Variants in TANGO2 observed in about 807,000 individuals in gnomAD.
TANGO2 encodes the protein transport and Golgi organization protein 2 homolog.
TANGO2 carries 26 observed loss-of-function variants against 39.1 expected under a neutral mutation model. The observed-to-expected ratio is 0.67, with a 90% CI of 0.49 to 0.92. The LOEUF (loss-of-function observed/expected upper bound fraction) is 0.92, where lower values mean the gene tolerates loss of function less well. Among genes scored for constraint, TANGO2 ranks in the 40% least tolerant of loss-of-function variants. The pLI, the probability that TANGO2 is intolerant of heterozygous loss-of-function variation, is 0.00. For missense variants in TANGO2, 326 were observed against 360.1 expected (o/e 0.91, Z 0.77); for synonymous variants, 131 against 144.5 (o/e 0.91, Z 0.67).
intron 3 of TANGO2, among the ~76,000 whole-genome samples, chr22:20,049,171 A>G (rs556522162): frequency 3.0e-4 from 45 of 152,286 alleles, no homozygotes; most frequent in Non-Finnish European, 4.7e-4. Context: ...TCCAACCCCC[A>G]AATCTCTCTA....
chr22:20,045,495 A>G (rs1478931922), intron 3 of TANGO2, among the ~76,000 whole-genome samples: 1 of 136,298 alleles, frequency 7.3e-6, no homozygotes, highest in East Asian at 2.3e-4. Context: ...TTTGGCCATC[A>G]CTTCTTTTTT....
chr22:20,031,255 A>G (rs2041809037), intron 1 of TANGO2, among the ~76,000 whole-genome samples: 1 of 151,464 alleles, frequency 6.6e-6, no homozygotes, highest in South Asian at 2.1e-4. Context: ...GCTACTTGGG[A>G]GGCTGAGGTG....
chr22:20,040,588 A>G (rs1477845509), intron 2 of TANGO2, among the ~76,000 whole-genome samples: 2 of 152,214 alleles, frequency 1.3e-5, no homozygotes, highest in Admixed American at 1.3e-4. Flanking sequence ...AGACCCTGGC[A>G]CATCCCCACC....
chr22:20,024,538 G>A (rs1025160750), intron 1 of TANGO2, among the ~76,000 whole-genome samples: 5 of 152,226 alleles, frequency 3.3e-5, no homozygotes, highest in South Asian at 4.1e-4. Context: ...GGGATTGGGC[G>A]CCCGGCTGCT....
chr22:20,064,241 G>A (rs1026747139), intron 8 of TANGO2, among the ~76,000 whole-genome samples: 3 of 152,218 alleles, frequency 2.0e-5, no homozygotes, highest in South Asian at 2.1e-4. Flanking sequence ...TGGTCAGCCC[G>A]CAGGCTGCCC....
upstream of TANGO2, among the ~76,000 whole-genome samples, chr22:20,020,825 C>A (rs1207599514): frequency 1.3e-5 from 2 of 152,094 alleles, no homozygotes; most frequent in African/African-American, 4.8e-5. Flanking sequence ...GACTCAGGGG[C>A]GGCTGCGACC....
Position 20,057,211 on chromosome 22 carries a change from G to A in TANGO2, c.451+1198G>A, listed in dbSNP as rs946025595. ...TGGCCCCATCCCACCTGCATCTTAG[G>A]GGGCTGGTGGTGCTGACGGGCTCAT... On this transcript the variant is annotated intron_variant, in intron 6 of 8. Transcript: ENST00000327374. This position sits in a 1 kb window ranked among gnomAD's most constrained non-coding sequence, Gnocchi z 4.1. 6.6e-6 allele frequency among the ~76,000 whole-genome samples: 1 copy of A among 152,120 alleles called. No homozygotes were observed. The highest frequency in any genetic ancestry group is 1.5e-5 in the Non-Finnish European group (1 of 67,996).
At chr22:20,063,022 C>G in intron 7 of TANGO2, 1 of 304,856 alleles carries the variant, frequency 3.3e-6, no homozygotes, top group Non-Finnish European at 6.1e-6. Context: ...GCTGGAGCCC[C>G]GATGCTAGCT....
At chr22:20,038,660 C>T (rs2043307877) in intron 2 of TANGO2, among the ~76,000 whole-genome samples, 2 of 152,212 alleles carry the variant, frequency 1.3e-5, no homozygotes, top group Admixed American at 6.5e-5. Context: ...AATGTGCCAC[C>T]TCTGGGTGAC....
At chr22:20,036,962 G>A in intron 2 of TANGO2, 108 bp downstream of exon 2, 1 of 1,611,658 alleles carries the variant, frequency 6.2e-7, no homozygotes, top group Non-Finnish European at 8.5e-7. Flanking sequence ...GGCCAGGACG[G>A]GGCTGCACAG....
intron 3 of TANGO2, among the ~76,000 whole-genome samples, chr22:20,049,518 G>A (rs1218287684): frequency 1.3e-5 from 2 of 152,056 alleles, no homozygotes; most frequent in African/African-American, 2.4e-5. Flanking sequence ...AAATTAGCTG[G>A]GTGTGGTGGT....
chr22:20,034,998 G>A lies in TANGO2; in HGVS notation c.-39-1762G>A, dbSNP rs79393601. Among the ~76,000 whole-genome samples, 166 of 152,326 alleles carry A rather than the reference G, an allele frequency of 1.1e-3. 1 individual carries two copies. Among genetic ancestry groups the A allele is most frequent in the African/African-American group, 3.8e-3 (160 of 41,564 alleles). On this transcript the variant is annotated intron_variant, in intron 1 of 8. Coordinates refer to ENST00000327374, the MANE Select transcript of TANGO2 (RefSeq NM_152906.7). ...TGCCCCTAGTAGCCTGCCCACCCTCGGATGATGGCCCCCTGTGGGCGCTTC... is the reference window on the plus strand; with the variant it reads ...TGCCCCTAGTAGCCTGCCCACCCTCAGATGATGGCCCCCTGTGGGCGCTTC...
rs150231785 is a variant in TANGO2 at position 20,066,838 on chromosome 22, C to A, written c.*2176C>A. ...CCGGATGTTCACCTCTGCCCAGAGA[C>A]CCGGCCTGCCCAGGAAGAGCAGTCT... On this transcript the variant is annotated 3_prime_UTR_variant, in exon 9 of 9. Coordinates refer to ENST00000327374, the MANE Select transcript of TANGO2 (RefSeq NM_152906.7). Among the ~76,000 whole-genome samples the A allele has an allele frequency of 2.1e-3, 323 of 152,256 alleles. 1 individual carries two copies. Among genetic ancestry groups the A allele is most frequent in the African/African-American group, 7.3e-3 (302 of 41,528 alleles).
chr22:20,041,553 C>G (rs2043941849), intron 2 of TANGO2, among the ~76,000 whole-genome samples: 1 of 152,010 alleles, frequency 6.6e-6, no homozygotes, highest in South Asian at 2.1e-4. Flanking sequence ...ACCTCGTGAT[C>G]CTCCCACCTT....
At chr22:20,047,958 C>T (rs2045567080) in intron 3 of TANGO2, 1 of 149,752 alleles carries the variant, frequency 6.7e-6, no homozygotes, top group South Asian at 2.1e-4. Context: ...GAGTTTCGCT[C>T]TTGTTACCCA....
chr22:20,041,354 T>C (rs1602057189), intron 2 of TANGO2, among the ~76,000 whole-genome samples: 3 of 115,802 alleles, frequency 2.6e-5, no homozygotes, highest in African/African-American at 3.5e-5. Flanking sequence ...GCTCTGTCAC[T>C]CAGGCTGGAG....
At chr22:20,032,822 G>A (rs987563996) in intron 1 of TANGO2, among the ~76,000 whole-genome samples, 1 of 152,226 alleles carries the variant, frequency 6.6e-6, no homozygotes, top group African/African-American at 2.4e-5. Flanking sequence ...TGTGGGAAGT[G>A]GTCCTGGCCA....
At chr22:20,022,118 C>T (rs557044524) in intron 1 of TANGO2, among the ~76,000 whole-genome samples, 2 of 152,254 alleles carry the variant, frequency 1.3e-5, no homozygotes, top group African/African-American at 4.8e-5. Flanking sequence ...GGCTTTCTCA[C>T]GCTAGCTCAT....
At position 20,042,138 on chromosome 22, in the gene TANGO2, CA is replaced by C. The variant is rs372614297; in HGVS notation, c.57-1216del. On this transcript the variant is annotated intron_variant, in intron 2 of 8. Coordinates refer to ENST00000327374, the MANE Select transcript of TANGO2 (RefSeq NM_152906.7). ...TTGGGAATACAGGCATGCACCACCA[CA>C]CCTGACTAATTTTTGTATTTTTTTT... 1.1e-4 allele frequency among the ~76,000 whole-genome samples: 17 copies of C among 150,022 alleles called. No individual in the cohort carries two copies. In the East Asian group the frequency reaches 3.2e-3, roughly 28 times the overall value.
Sources: allele counts gnomAD v4.1 joint callset (sites outside exome capture counted in the v4.1 genomes callset), GRCh38; gene constraint gnomAD v4.1.1; non-coding constraint Gnocchi (gnomAD v3.1); transcripts MANE v1.5; gene names NCBI Gene and HGNC (gene_info 2026-07-23, HGNC 2026-07-21).